Variants in AGMO observed in about 807,000 individuals in gnomAD.
The protein encoded by AGMO is glyceryl-ether monooxygenase.
Under a neutral mutation model 60.2 loss-of-function variants are expected in AGMO, and 75 were observed. The ratio of observed to expected loss-of-function variants is 1.25; its 90% CI spans 1.03 to 1.51. The LOEUF (loss-of-function observed/expected upper bound fraction) is 1.51. AGMO is among the 40% of genes most tolerant of loss of function. AGMO has a pLI of 0.00. For missense variants in AGMO, 763 were observed against 525.5 expected, an observed-to-expected ratio of 1.45 and a Z score of -4.42; for synonymous variants, 261 against 177.1, an observed-to-expected ratio of 1.47 and a Z score of -3.76.
rs1348258746 is a variant in AGMO, at chr7:15,390,680, G to C, written c.813C>G (p.Ile271Met). The change falls in exon 8 of 13, where the codon ATC (isoleucine) becomes ATG (methionine). Residue 271 changes from isoleucine (I) to methionine (M), a missense_variant. Ile to Met is a conservative substitution (Grantham distance 10). Coordinates refer to ENST00000342526, the MANE Select transcript of AGMO (RefSeq NM_001004320.2). ...LTHPINTFEP[I>M]KVQFHHLFSI... ...AAAACAAGTATGTTACCTGCACTTT[G>C]ATTGGTTCAAATGTATTAATGGGAT... is the stretch of plus-strand genomic sequence containing the variant. The C allele has an allele frequency of 1.9e-6, 3 of 1,596,380 alleles. No homozygotes were observed. Among genetic ancestry groups the C allele is most frequent in the East Asian group, 2.2e-5 (1 of 44,530 alleles).
At chr7:15,217,876 A>G (rs552211939) in intron 12 of AGMO, among the ~76,000 whole-genome samples, 43 of 152,152 alleles carry the variant, frequency 2.8e-4, no homozygotes, top group African/African-American at 9.1e-4. Flanking sequence ...GCCATAATTT[A>G]TGAGAAATAT....
At chr7:15,484,092 C>T (rs1357229630) in intron 3 of AGMO, among the ~76,000 whole-genome samples, 3 of 151,928 alleles carry the variant, frequency 2.0e-5, no homozygotes, top group Non-Finnish European at 4.4e-5. Flanking sequence ...TTCTAATATA[C>T]GAAGATATCA....
chr7:15,559,845 A>G (rs977990841), intron 2 of AGMO, among the ~76,000 whole-genome samples: 1 of 152,044 alleles, frequency 6.6e-6, no homozygotes. Flanking sequence ...ACAAAACACA[A>G]TTTTAATAGA....
the AGMO span, among the ~76,000 whole-genome samples, chr7:15,148,694 T>A: frequency 7.2e-5 from 11 of 152,204 alleles, no homozygotes; most frequent in African/African-American, 2.7e-4. Flanking sequence ...GGTGTATACG[T>A]AGCATATTTT....
intron 12 of AGMO, among the ~76,000 whole-genome samples, chr7:15,362,402 C>T (rs1160141103): frequency 6.6e-6 from 1 of 152,118 alleles, no homozygotes; most frequent in Non-Finnish European, 1.5e-5. Flanking sequence ...AGAAGACTTG[C>T]TCAAGTTTAA....
At chr7:15,551,522 C>T (rs1383884200) in intron 2 of AGMO, among the ~76,000 whole-genome samples, 58 of 136,840 alleles carry the variant, frequency 4.2e-4, no homozygotes, top group African/African-American at 1.1e-3. Flanking sequence ...TATACACCAA[C>T]AACAGACAAA....
chr7:15,164,011 TG>T, the AGMO span, among the ~76,000 whole-genome samples: 1 of 152,076 alleles, frequency 6.6e-6, no homozygotes, highest in Non-Finnish European at 1.5e-5. Context: ...TGTAAGGCTA[TG>T]ATAAGCAAAA....
intron 3 of AGMO, among the ~76,000 whole-genome samples, chr7:15,466,061 C>A (rs978357489): frequency 6.6e-6 from 1 of 152,114 alleles, no homozygotes; most frequent in African/African-American, 2.4e-5. Flanking sequence ...GGACCAAAAT[C>A]TTGGTCCTTA....
intron 6 of AGMO, among the ~76,000 whole-genome samples, chr7:15,392,975 T>C (rs542720534): frequency 6.6e-6 from 1 of 152,372 alleles, no homozygotes; most frequent in Admixed American, 6.5e-5. Context: ...ATATCTCACA[T>C]GGTTTATGGA....
chr7:15,552,315 C>CA (rs1156942864), intron 2 of AGMO, among the ~76,000 whole-genome samples: 1 of 152,174 alleles, frequency 6.6e-6, no homozygotes, highest in Non-Finnish European at 1.5e-5. Flanking sequence ...CCAAAATTGA[C>CA]AAATGGGATC....
At chr7:15,122,736 C>T in the AGMO span, among the ~76,000 whole-genome samples, 1 of 152,022 alleles carries the variant, frequency 6.6e-6, no homozygotes, top group Admixed American at 6.6e-5. Flanking sequence ...AAAATCTGTC[C>T]ACAATGCAAC....
Position 15,453,252 on chromosome 7 carries a change from A to C in AGMO, c.410-22144T>G, listed in dbSNP as rs191649413. Reference sequence around the variant, plus strand: ...ATTATATCTCAATAAATTAAAATAAAAACTTCTGGGAAGGAGAGTAAAGAA... The same window carrying C: ...ATTATATCTCAATAAATTAAAATAACAACTTCTGGGAAGGAGAGTAAAGAA... On this transcript the variant is annotated intron_variant, in intron 3 of 12. Coordinates refer to ENST00000342526, the MANE Select transcript of AGMO (RefSeq NM_001004320.2). 9.8e-4 allele frequency among the ~76,000 whole-genome samples: 149 copies of C among 152,336 alleles called. 2 individuals are homozygous for C. The highest frequency in any genetic ancestry group is 8.3e-3 in the Admixed American group (127 of 15,306).
the AGMO span, among the ~76,000 whole-genome samples, chr7:15,181,062 G>A: frequency 6.6e-6 from 1 of 152,140 alleles, no homozygotes; most frequent in East Asian, 1.9e-4. Flanking sequence ...ATCTATTCAT[G>A]AGGGCAGATC....
chr7:15,277,816 G>C (rs1413248239), intron 12 of AGMO, among the ~76,000 whole-genome samples: 3 of 152,178 alleles, frequency 2.0e-5, no homozygotes, highest in African/African-American at 4.8e-5. Flanking sequence ...CGAGTTTCCT[G>C]TTCAGTGCAG....
Position 15,456,520 on chromosome 7 carries a change from C to T in AGMO, c.410-25412G>A, listed in dbSNP as rs550808498. Among the ~76,000 whole-genome samples, 242 of 152,200 alleles carry T rather than the reference C, an allele frequency of 1.6e-3. 2 individuals carry two copies. In the South Asian group the frequency reaches 0.02, roughly 12 times the overall value. ...CTATGTTCAGGTTACTTCTCTTGCC[C>T]TCAGCTCTACCTGCTATCCACAAGA... is the stretch of plus-strand genomic sequence containing the variant. On this transcript the variant is annotated intron_variant, in intron 3 of 12. Transcript: ENST00000342526.
At chr7:15,221,358 G>A (rs1353550862) in intron 12 of AGMO, among the ~76,000 whole-genome samples, 1 of 152,010 alleles carries the variant, frequency 6.6e-6, no homozygotes, top group Non-Finnish European at 1.5e-5. Context: ...CTAGAAAGCT[G>A]CCTTTTGTGA....
At chr7:15,500,791 T>C (rs889505519) in intron 3 of AGMO, among the ~76,000 whole-genome samples, 1 of 151,932 alleles carries the variant, frequency 6.6e-6, no homozygotes, top group Non-Finnish European at 1.5e-5. Context: ...GGTTCTTAAT[T>C]TGAGATCTTT....
At chr7:15,378,419 T>C (rs1488155681) in intron 10 of AGMO, among the ~76,000 whole-genome samples, 1 of 152,058 alleles carries the variant, frequency 6.6e-6, no homozygotes, top group Non-Finnish European at 1.5e-5. Context: ...TGGGATTGCA[T>C]CCCATCCTTC....
chr7:15,478,163 C>T (rs1280596620), intron 3 of AGMO, among the ~76,000 whole-genome samples: 4 of 152,128 alleles, frequency 2.6e-5, no homozygotes, highest in Non-Finnish European at 5.9e-5. Context: ...TTAGATATCG[C>T]TGAAGCCTTA....
Sources: gnomAD v4.1 joint callset for allele counts (sites outside exome capture counted in the v4.1 genomes callset) on GRCh38, gnomAD v4.1.1 for gene constraint, MANE v1.5 for transcripts, NCBI Gene and HGNC (gene_info 2026-07-23, HGNC 2026-07-21) for gene names.